The following CNTNAP3B variants were observed in gnomAD, a reference collection of about 807,000 sequenced individuals.
CNTNAP3B encodes the protein contactin associated protein family member 3B.
In CNTNAP3B, 25 loss-of-function variants were observed where a neutral mutation model predicts 108.9. The ratio of observed to expected loss-of-function variants is 0.23; its 90% CI spans 0.17 to 0.32. The LOEUF (loss-of-function observed/expected upper bound fraction) is 0.32, where lower values mean the gene tolerates loss of function less well. Ranked by LOEUF, CNTNAP3B falls within the 10% of genes least tolerant of loss-of-function variation. The pLI is 1.00. For synonymous variants in CNTNAP3B, 103 were observed against 473.4 expected (o/e 0.22, Z 10.16); for missense variants, 252 against 1,210.4 (o/e 0.21, Z 11.75).
At chr9:41,961,809 A>T (rs1267068173) in intron 11 of CNTNAP3B, among the ~76,000 whole-genome samples, 2 of 152,306 alleles carry the variant, frequency 1.3e-5, no homozygotes, top group Non-Finnish European at 2.9e-5. Flanking sequence ...TTACTCTAGC[A>T]TAATTGAATA....
chr9:41,953,228 G>C lies in CNTNAP3B; in HGVS notation c.2035C>G (p.Arg679Gly), dbSNP rs1488677047. 5.9e-6 allele frequency: 9 copies of C among 1,528,364 alleles called. No homozygotes were observed. The highest frequency in any genetic ancestry group is 2.1e-5 in the Admixed American group (1 of 48,456). The allele number at this position is 1,528,364 out of a possible 1,614,324, so 94.7% of individuals were successfully genotyped here. A position where few individuals can be genotyped will look rare whatever the true frequency, so the allele number is the denominator to read the frequency against. ...AVNLAERCEQ[R>G]LALRCGTARR... ...GCTGTCCCGCAGCGCAGAGCCAGCC[G>C]CTGCTCGCAGCGCTCCGCCAGGTTC... Residue 679 changes from arginine to glycine, a missense_variant, in exon 13 of 24, where the codon CGG (arginine) becomes GGG (glycine). Transcript: ENST00000377561.
At chr9:41,947,775 C>T in intron 13 of CNTNAP3B, among the ~76,000 whole-genome samples, 1 of 152,258 alleles carries the variant, frequency 6.6e-6, no homozygotes, top group Non-Finnish European at 1.5e-5. Context: ...TGAAAAACTT[C>T]TATAAAGACT....
At chr9:41,945,002 GAC>G (rs1824481909) in intron 13 of CNTNAP3B, among the ~76,000 whole-genome samples, 1 of 151,560 alleles carries the variant, frequency 6.6e-6, no homozygotes, top group Non-Finnish European at 1.5e-5. Flanking sequence ...GCAGCCAACA[GAC>G]ACATGAAAAA....
intron 13 of CNTNAP3B, among the ~76,000 whole-genome samples, chr9:41,942,357 T>A (rs1293111541): frequency 5.6e-3 from 851 of 151,824 alleles, no homozygotes; most frequent in African/African-American, 0.02. Flanking sequence ...AAGCCTGTAA[T>A]CCCAGCATTT....
chr9:42,120,044 C>T (rs1488401713), intron 1 of CNTNAP3B, among the ~76,000 whole-genome samples: 2 of 149,830 alleles, frequency 1.3e-5, no homozygotes, highest in Non-Finnish European at 3.0e-5. Flanking sequence ...AGGCAACCTA[C>T]AGAATGGAAG....
chr9:41,937,271 C>A (rs1285644284), intron 14 of CNTNAP3B, among the ~76,000 whole-genome samples: 2 of 151,588 alleles, frequency 1.3e-5, no homozygotes, highest in African/African-American at 4.9e-5. Flanking sequence ...GGACTACAGG[C>A]ACACACAGCC....
intron 12 of CNTNAP3B, among the ~76,000 whole-genome samples, chr9:41,958,380 A>T (rs1210836106): frequency 6.6e-6 from 1 of 152,294 alleles, no homozygotes; most frequent in Non-Finnish European, 1.5e-5. Context: ...AACTGGTCTA[A>T]GGCTATCTTC....
intron 13 of CNTNAP3B, among the ~76,000 whole-genome samples, chr9:41,943,101 G>T (rs1587128636): frequency 6.6e-6 from 1 of 152,290 alleles, no homozygotes; most frequent in East Asian, 1.9e-4. Flanking sequence ...GAAAAAGTGG[G>T]CAACATGCAA....
chr9:42,063,370 C>T (rs1188751698), intron 3 of CNTNAP3B, among the ~76,000 whole-genome samples: 1 of 135,600 alleles, frequency 7.4e-6, no homozygotes, highest in Non-Finnish European at 1.6e-5. Context: ...TTGAATATAT[C>T]ATCCTGCTCT....
rs866403116 is a variant in CNTNAP3B, at chr9:42,119,395, C to A, written c.85+9615G>T. On this transcript the variant is annotated intron_variant, in intron 1 of 23. Transcript: ENST00000377561. Reference sequence around the variant, plus strand: ...GGAAGAATCAGTATCATGAAAATGGCCATACTGCCCAAGGTAATTTATAGA... The same window carrying A: ...GGAAGAATCAGTATCATGAAAATGGACATACTGCCCAAGGTAATTTATAGA... 7.5e-5 allele frequency among the ~76,000 whole-genome samples: 10 copies of A among 133,032 alleles called. 3 individuals carry two copies. The highest frequency in any genetic ancestry group is 1.5e-4 in the Admixed American group (2 of 13,290). 87.3% of individuals were successfully genotyped at this position (133,032 alleles called of 152,430 possible). A position where few individuals can be genotyped will look rare whatever the true frequency, so the allele number is the denominator to read the frequency against.
intron 13 of CNTNAP3B, among the ~76,000 whole-genome samples, chr9:41,945,971 G>A (rs1028505891): frequency 9.9e-5 from 15 of 152,280 alleles, no homozygotes; most frequent in Non-Finnish European, 1.3e-4. Context: ...TGCAGAGCAA[G>A]GAAAATTATC....
At chr9:41,954,272 A>G (rs1824789434) in intron 12 of CNTNAP3B, among the ~76,000 whole-genome samples, 3 of 152,282 alleles carry the variant, frequency 2.0e-5, no homozygotes, top group Non-Finnish European at 4.4e-5. Context: ...AAACAATGTG[A>G]TACATTTTAC....
chr9:41,990,391 ATC>A (rs1825783865), intron 8 of CNTNAP3B, among the ~76,000 whole-genome samples: 1 of 129,584 alleles, frequency 7.7e-6, no homozygotes, highest in South Asian at 2.6e-4. Context: ...TCCTCTGAAT[ATC>A]TGTTTTATCT....
rs1824124649 is a variant in CNTNAP3B at position 41,935,355 on chromosome 9, A to T, written c.2237+2889T>A. On this transcript the variant is annotated intron_variant, in intron 14 of 23. Transcript: ENST00000377561. ...CATTAACGGACATATGCCTGAAGAG[A>T]CTTAAAATAGCTTTCACTTTACTTT... Among the ~76,000 whole-genome samples the T allele has an allele frequency of 2.0e-5, 3 of 152,396 alleles. No individual in the cohort carries two copies. The South Asian group carries it at 6.2e-4, about 32-fold the overall frequency.
chr9:41,962,354 AC>A (rs1564160374), intron 11 of CNTNAP3B, among the ~76,000 whole-genome samples: 4 of 152,278 alleles, frequency 2.6e-5, no homozygotes, highest in Admixed American at 1.3e-4. Context: ...CACTTGAAAT[AC>A]TTTTTCAATC....
chr9:41,962,388 T>G (rs1422148254), intron 11 of CNTNAP3B, among the ~76,000 whole-genome samples: 12 of 152,238 alleles, frequency 7.9e-5, no homozygotes, highest in Non-Finnish European at 2.9e-5. Context: ...CCCTCAGAAG[T>G]TTTTGGAGTT....
chr9:41,929,920 C>T (rs1220860458), intron 14 of CNTNAP3B, among the ~76,000 whole-genome samples: 1 of 152,080 alleles, frequency 6.6e-6, no homozygotes, highest in Non-Finnish European at 1.5e-5. Context: ...GACCCGTTTG[C>T]CAATTCCTGA....
chr9:42,103,586 T>G (rs1828044781), intron 2 of CNTNAP3B, among the ~76,000 whole-genome samples: 1 of 111,720 alleles, frequency 9.0e-6, no homozygotes, highest in South Asian at 2.9e-4. Flanking sequence ...ATACAAAAAA[T>G]TAGTCAGGCC....
chr9:42,085,287 A>G (rs1373656363), intron 2 of CNTNAP3B, among the ~76,000 whole-genome samples: 1 of 151,086 alleles, frequency 6.6e-6, no homozygotes, highest in Non-Finnish European at 1.5e-5. Flanking sequence ...CGATGTATCT[A>G]TCCAGTTGTA....
Sources: gnomAD v4.1 joint callset for allele counts (sites outside exome capture counted in the v4.1 genomes callset) on GRCh38, gnomAD v4.1.1 for gene constraint, MANE v1.5 for transcripts, NCBI Gene and HGNC (gene_info 2026-07-23, HGNC 2026-07-21) for gene names.